CSMD3: variants seen among roughly 807,000 people sequenced by gnomAD.
CSMD3 encodes the protein CUB and Sushi multiple domains 3.
In CSMD3, 177 loss-of-function variants were observed where a neutral mutation model predicts 435.2. That is an observed-to-expected ratio of 0.41 (90% CI 0.36 to 0.46). The LOEUF is 0.46. Ranked by LOEUF, CSMD3 falls within the 20% of genes least tolerant of loss-of-function variation. The pLI, the probability that CSMD3 is intolerant of heterozygous loss-of-function variation, is 0.34. For missense variants in CSMD3, 4,265 were observed against 4,504.6 expected, an observed-to-expected ratio of 0.95 and a Z score of 1.52; for synonymous variants, 1,656 against 1,520.5, an observed-to-expected ratio of 1.09 and a Z score of -2.07.
intron 10 of CSMD3, among the ~76,000 whole-genome samples, chr8:112,879,902 A>G (rs1405538384): frequency 6.6e-6 from 1 of 151,834 alleles, no homozygotes; most frequent in Non-Finnish European, 1.5e-5. Context: ...GGGGAACATC[A>G]CACACCTGGG....
chr8:112,461,907 T>C (rs1441636956), intron 32 of CSMD3, among the ~76,000 whole-genome samples: 6 of 147,100 alleles, frequency 4.1e-5, no homozygotes, highest in African/African-American at 1.5e-4. Context: ...AACTTTCCCA[T>C]ACTTTAATTC....
intron 3 of CSMD3, among the ~76,000 whole-genome samples, chr8:113,265,897 T>G (rs1444806976): frequency 1.3e-5 from 2 of 151,570 alleles, no homozygotes; most frequent in African/African-American, 4.8e-5. Context: ...TTTGCAGGTA[T>G]GACATTTCCT....
At chr8:113,132,607 C>A (rs978165201) in intron 4 of CSMD3, among the ~76,000 whole-genome samples, 1 of 152,160 alleles carries the variant, frequency 6.6e-6, no homozygotes, top group Non-Finnish European at 1.5e-5. Flanking sequence ...GCCTGTGGAA[C>A]TGTTAGCCAA....
chr8:113,409,885 GAA>G (rs35823928), intron 1 of CSMD3, among the ~76,000 whole-genome samples: 38 of 145,736 alleles, frequency 2.6e-4, no homozygotes, highest in South Asian at 1.7e-3. Flanking sequence ...CAGCTTTGTA[GAA>G]AAAAAAAAAA....
At chr8:113,225,186 T>C (rs1312509064) in intron 3 of CSMD3, among the ~76,000 whole-genome samples, 1 of 151,408 alleles carries the variant, frequency 6.6e-6, no homozygotes. Context: ...TTATCAAATT[T>C]GATTAATAAT....
chr8:112,752,164 T>C (rs946456435), intron 13 of CSMD3, among the ~76,000 whole-genome samples: 3 of 152,188 alleles, frequency 2.0e-5, no homozygotes, highest in Non-Finnish European at 2.9e-5. Context: ...TTGTTGACTA[T>C]CCTCTCCGCC....
chr8:112,968,036 C>G (rs2084490193), intron 7 of CSMD3, among the ~76,000 whole-genome samples: 1 of 151,740 alleles, frequency 6.6e-6, no homozygotes, highest in Non-Finnish European at 1.5e-5. Flanking sequence ...ACAGCTAGGA[C>G]TGGACCTCCA....
chr8:112,349,518 CAT>C (rs1217624654), intron 40 of CSMD3, among the ~76,000 whole-genome samples: 2 of 151,966 alleles, frequency 1.3e-5, no homozygotes, highest in Non-Finnish European at 2.9e-5. Context: ...CAGAAAAAAA[CAT>C]ATTTATTTTA....
chr8:113,333,797 G>A (rs1420478992), intron 1 of CSMD3, among the ~76,000 whole-genome samples: 6 of 151,680 alleles, frequency 4.0e-5, no homozygotes, highest in South Asian at 2.1e-4. Flanking sequence ...TGTTGTCTAC[G>A]TCTACAAAAA....
chr8:113,372,886 A>G (rs571154743), intron 1 of CSMD3, among the ~76,000 whole-genome samples: 4 of 148,572 alleles, frequency 2.7e-5, no homozygotes, highest in South Asian at 2.1e-4. Context: ...GTGAGCCGAG[A>G]TTGCGCCACT....
intron 5 of CSMD3, among the ~76,000 whole-genome samples, chr8:113,090,987 A>T (rs2089983129): frequency 6.6e-6 from 1 of 152,124 alleles, no homozygotes; most frequent in African/African-American, 2.4e-5. Flanking sequence ...AAAAATACAT[A>T]GAGAGAGTTC....
chr8:113,255,596 A>G (rs752353911), intron 3 of CSMD3, among the ~76,000 whole-genome samples: 5 of 152,074 alleles, frequency 3.3e-5, no homozygotes, highest in Non-Finnish European at 5.9e-5. Flanking sequence ...CTCACTGTGT[A>G]TTAGCCTTGA....
At chr8:112,367,072 C>T (rs529032763) in intron 38 of CSMD3, among the ~76,000 whole-genome samples, 3 of 151,994 alleles carry the variant, frequency 2.0e-5, no homozygotes, top group Non-Finnish European at 2.9e-5. Flanking sequence ...AGAAAAACTG[C>T]ACCAATTCAA....
chr8:113,057,637 A>C (rs1252356435), intron 5 of CSMD3, among the ~76,000 whole-genome samples: 2 of 152,072 alleles, frequency 1.3e-5, no homozygotes, highest in African/African-American at 4.8e-5. Flanking sequence ...TGAAATAATC[A>C]TAAGAAAATT....
Position 112,352,382 on chromosome 8 carries a change from G to A in CSMD3, c.6255+34C>T. ...TTGTAAAATATTCTGAAAGGGCCAT[G>A]AAAATCAAAACCACAACTTTAAAAT... is the stretch of plus-strand genomic sequence containing the variant. On this transcript the variant is annotated intron_variant, in intron 39 of 70. Coordinates refer to ENST00000297405, the MANE Select transcript of CSMD3 (RefSeq NM_198123.2). 7 of 1,611,556 alleles carry A rather than the reference G, an allele frequency of 4.3e-6. No individual in the cohort carries two copies. In the South Asian group the frequency reaches 7.7e-5, roughly 18 times the overall value.
chr8:113,242,035 T>C (rs1443625674), intron 3 of CSMD3, among the ~76,000 whole-genome samples: 2 of 151,494 alleles, frequency 1.3e-5, no homozygotes, highest in Non-Finnish European at 3.0e-5. Flanking sequence ...AATAGCATTA[T>C]ATTTTAAACA....
At chr8:113,172,139 G>A (rs140079945) in intron 4 of CSMD3, among the ~76,000 whole-genome samples, 8 of 152,208 alleles carry the variant, frequency 5.3e-5, no homozygotes, top group African/African-American at 1.4e-4. Flanking sequence ...CTTTATTTCT[G>A]ACTCAACAGT....
chr8:112,340,455 A>G (rs185229359), intron 42 of CSMD3, among the ~76,000 whole-genome samples: 235 of 152,276 alleles, frequency 1.5e-3, no homozygotes, highest in African/African-American at 5.2e-3. Flanking sequence ...CCTCTTTGGT[A>G]GATACTTTAG....
intron 1 of CSMD3, among the ~76,000 whole-genome samples, chr8:113,408,685 G>A (rs1451077726): frequency 1.4e-5 from 2 of 144,280 alleles, no homozygotes; most frequent in African/African-American, 2.6e-5. Context: ...ACAGAGTCTT[G>A]CTCGCTCTGT....
Sources: allele counts gnomAD v4.1 joint callset (sites outside exome capture counted in the v4.1 genomes callset), GRCh38; gene constraint gnomAD v4.1.1; transcripts MANE v1.5; gene names NCBI Gene and HGNC (gene_info 2026-07-23, HGNC 2026-07-21).